Variants in GLRA3 observed in about 807,000 individuals in gnomAD.
GLRA3 encodes glycine receptor subunit alpha-3.
Under a neutral mutation model 60.4 loss-of-function variants are expected in GLRA3, and 44 were observed. The observed-to-expected ratio is 0.73, with a 90% CI of 0.57 to 0.94. GLRA3 has a LOEUF of 0.94. GLRA3 is among the 40% of genes least tolerant of loss of function. The probability of loss-of-function intolerance (pLI) is 0.00; values close to 1 mark genes in which losing one functional copy is unlikely to be tolerated. For missense variants in GLRA3, 508 were observed against 564.6 expected, an observed-to-expected ratio of 0.90 and a Z score of 1.02; for synonymous variants, 223 against 192.9, an observed-to-expected ratio of 1.16 and a Z score of -1.29.
chr4:174,818,568 CTATT>C (rs1363926632), intron 1 of GLRA3, among the ~76,000 whole-genome samples: 3 of 152,222 alleles, frequency 2.0e-5, no homozygotes, highest in African/African-American at 4.8e-5. Context: ...GATTCTCACT[CTATT>C]TAAGATTTGC....
At chr4:174,707,818 G>C (rs1735570871) in intron 5 of GLRA3, among the ~76,000 whole-genome samples, 1 of 152,120 alleles carries the variant, frequency 6.6e-6, no homozygotes, top group South Asian at 2.1e-4. Context: ...GTGACCTTGG[G>C]AAAGTCACTT....
intron 3 of GLRA3, among the ~76,000 whole-genome samples, chr4:174,738,969 G>A (rs1736903210): frequency 6.6e-6 from 1 of 152,160 alleles, no homozygotes; most frequent in Admixed American, 6.6e-5. Flanking sequence ...TATACCAGCT[G>A]AATTCCACTG....
intron 1 of GLRA3, among the ~76,000 whole-genome samples, chr4:174,792,908 C>T (rs1218628461): frequency 6.6e-6 from 1 of 152,108 alleles, no homozygotes; most frequent in Admixed American, 6.5e-5. Context: ...TGGACTTTTC[C>T]TGTAATTTGG....
At chr4:174,790,383 A>G (rs201783342) in intron 1 of GLRA3, among the ~76,000 whole-genome samples, 1 of 127,614 alleles carries the variant, frequency 7.8e-6, no homozygotes, top group Non-Finnish European at 1.7e-5. Context: ...TAATAAATAT[A>G]TTTTTTTAAA....
intron 5 of GLRA3, among the ~76,000 whole-genome samples, chr4:174,689,567 C>T (rs1561056633): frequency 6.6e-6 from 1 of 151,660 alleles, no homozygotes; most frequent in Admixed American, 6.6e-5. Context: ...CAACCTCCCC[C>T]TCTTCCCACC....
intron 5 of GLRA3, among the ~76,000 whole-genome samples, chr4:174,684,727 CT>C (rs1235045168): frequency 6.6e-6 from 1 of 152,040 alleles, no homozygotes; most frequent in Admixed American, 6.6e-5. Context: ...GTTAAAAGCG[CT>C]TGGGCGCAGT....
intron 3 of GLRA3, among the ~76,000 whole-genome samples, chr4:174,758,459 A>G (rs919218180): frequency 6.6e-6 from 1 of 152,198 alleles, no homozygotes; most frequent in Non-Finnish European, 1.5e-5. Context: ...ATTCTACAAA[A>G]TACCTGACTA....
intron 5 of GLRA3, among the ~76,000 whole-genome samples, chr4:174,711,328 C>T (rs1291558898): frequency 6.6e-6 from 1 of 151,430 alleles, no homozygotes; most frequent in African/African-American, 2.4e-5. Flanking sequence ...TGTGCTTGTA[C>T]AATCCAGTAA....
At chr4:174,726,232 C>T (rs1004832368) in intron 4 of GLRA3, among the ~76,000 whole-genome samples, 27 of 152,196 alleles carry the variant, frequency 1.8e-4, no homozygotes, top group African/African-American at 6.5e-4. Flanking sequence ...GAATTCCTGG[C>T]TTTCTATGTG....
chr4:174,749,457 CATTAAATGAT>C (rs1737377550), intron 3 of GLRA3, among the ~76,000 whole-genome samples: 1 of 152,084 alleles, frequency 6.6e-6, no homozygotes, highest in African/African-American at 2.4e-5. Flanking sequence ...TATCTGAATC[CATTAAATGAT>C]AGGATACTAG....
chr4:174,778,899 C>T (rs1461623540), intron 2 of GLRA3, among the ~76,000 whole-genome samples: 6 of 152,316 alleles, frequency 3.9e-5, no homozygotes, highest in South Asian at 2.1e-4. Context: ...GGGGGAGGGG[C>T]GCCCGCCATT....
rs553159490 is a variant in GLRA3 at position 174,688,318 on chromosome 4, CATATATATATATAT to C, written c.575-5393_575-5380del. Among the ~76,000 whole-genome samples, 307 of 34,926 alleles carry C rather than the reference CATATATATATATAT, an allele frequency of 8.8e-3. 1 individual carries two copies. The highest frequency in any genetic ancestry group is 0.028 in the East Asian group (20 of 714). 22.9% of individuals were successfully genotyped at this position (34,926 alleles called of 152,430 possible). A position where few individuals can be genotyped will look rare whatever the true frequency, so the allele number is the denominator to read the frequency against. The stretch of plus-strand genomic sequence containing the variant: ...CATAGTACTTATCCTTACCTGACAT[CATATATATATATAT>C]ATATATATATATATATATATATATA... On this transcript the variant is annotated intron_variant, in intron 5 of 9. Coordinates refer to ENST00000274093, the MANE Select transcript of GLRA3 (RefSeq NM_006529.4).
At chr4:174,800,812 T>G (rs2111340632) in intron 1 of GLRA3, among the ~76,000 whole-genome samples, 1 of 152,216 alleles carries the variant, frequency 6.6e-6, no homozygotes, top group African/African-American at 2.4e-5. Context: ...ATGATTCAAC[T>G]TACTATTTTT....
At chr4:174,726,192 G>T (rs575542195) in intron 4 of GLRA3, among the ~76,000 whole-genome samples, 5 of 152,208 alleles carry the variant, frequency 3.3e-5, no homozygotes, top group Non-Finnish European at 5.9e-5. Flanking sequence ...AGAGAGGGAA[G>T]GTATGCCTTG....
intron 1 of GLRA3, among the ~76,000 whole-genome samples, chr4:174,811,119 A>G (rs2111369245): frequency 6.7e-6 from 1 of 150,080 alleles, no homozygotes; most frequent in African/African-American, 2.5e-5. Flanking sequence ...ACACACAGAG[A>G]GATGCATGCA....
intron 4 of GLRA3, among the ~76,000 whole-genome samples, chr4:174,716,428 G>C (rs1337070280): frequency 1.3e-5 from 2 of 152,038 alleles, no homozygotes; most frequent in East Asian, 1.9e-4. Context: ...AATACTTTTT[G>C]CTGGAAAAGC....
At chr4:174,697,021 T>C (rs1735084056) in intron 5 of GLRA3, among the ~76,000 whole-genome samples, 1 of 152,178 alleles carries the variant, frequency 6.6e-6, no homozygotes, top group Admixed American at 6.5e-5. Flanking sequence ...ATTTATTACA[T>C]TATCACTTTT....
At chr4:174,661,978 G>A (rs116166182) in intron 7 of GLRA3, among the ~76,000 whole-genome samples, 177 of 152,280 alleles carry the variant, frequency 1.2e-3, no homozygotes, top group Non-Finnish European at 2.2e-3. Flanking sequence ...TAACCTTTAA[G>A]CAACTGTTTT....
chr4:174,815,127 G>A (rs1338216879), intron 1 of GLRA3, among the ~76,000 whole-genome samples: 1 of 152,160 alleles, frequency 6.6e-6, no homozygotes, highest in Non-Finnish European at 1.5e-5. Context: ...AAGGCTAGAG[G>A]CCCCATACAA....
Sources: allele counts gnomAD v4.1 joint callset (sites outside exome capture counted in the v4.1 genomes callset), GRCh38; gene constraint gnomAD v4.1.1; transcripts MANE v1.5; gene names NCBI Gene and HGNC (gene_info 2026-07-23, HGNC 2026-07-21).